PARD3B: variants seen among roughly 807,000 people sequenced by gnomAD.
PARD3B encodes the protein par-3 family cell polarity regulator beta, also known as partitioning defective 3 homolog B.
PARD3B carries 103 observed loss-of-function variants against 130.2 expected under a neutral mutation model. The ratio of observed to expected loss-of-function variants is 0.79; its 90% confidence interval spans 0.67 to 0.93. The LOEUF is 0.93. Ranked by LOEUF, PARD3B falls within the 40% of genes least tolerant of loss-of-function variation. The pLI, the probability that PARD3B is intolerant of heterozygous loss-of-function variation, is 0.00. For missense variants in PARD3B, 1,609 were observed against 1,499.2 expected (o/e 1.07, Z -1.21); for synonymous variants, 583 against 553.2 (o/e 1.05, Z -0.76).
chr2:205,566,569 T>A (rs750399074), intron 22 of PARD3B, among the ~76,000 whole-genome samples: 2 of 152,098 alleles, frequency 1.3e-5, no homozygotes, highest in South Asian at 2.1e-4. Flanking sequence ...CAGGGAGAGA[T>A]CATGGTTAAG....
At chr2:204,996,866 T>A (rs1341089573) in intron 3 of PARD3B, among the ~76,000 whole-genome samples, 2 of 147,512 alleles carry the variant, frequency 1.4e-5, no homozygotes, top group Non-Finnish European at 3.0e-5. Context: ...GTCACCCCTT[T>A]CTTTGACTCG....
chr2:205,153,946 G>C (rs1318250120), intron 10 of PARD3B, among the ~76,000 whole-genome samples: 1 of 152,136 alleles, frequency 6.6e-6, no homozygotes, highest in East Asian at 1.9e-4. Flanking sequence ...AAAAACCCTA[G>C]AAGAAAACCT....
At chr2:205,136,610 C>A (rs1575912074) in intron 10 of PARD3B, among the ~76,000 whole-genome samples, 1 of 152,156 alleles carries the variant, frequency 6.6e-6, no homozygotes, top group African/African-American at 2.4e-5. Flanking sequence ...TCCTTCCCAG[C>A]AGCTATATAT....
chr2:205,064,611 G>A (rs1278790625), intron 4 of PARD3B, among the ~76,000 whole-genome samples: 1 of 152,140 alleles, frequency 6.6e-6, no homozygotes, highest in Non-Finnish European at 1.5e-5. Context: ...TTCACCATGT[G>A]GAAGACTGCG....
At chr2:204,652,150 C>A (rs762901205) in intron 1 of PARD3B, among the ~76,000 whole-genome samples, 1 of 152,178 alleles carries the variant, frequency 6.6e-6, no homozygotes, top group African/African-American at 2.4e-5. Flanking sequence ...ATGCAAATTT[C>A]TGCAGCTTTG....
chr2:205,163,296 A>G (rs984151768), intron 11 of PARD3B, among the ~76,000 whole-genome samples: 5 of 152,180 alleles, frequency 3.3e-5, no homozygotes, highest in African/African-American at 1.2e-4. Flanking sequence ...AAATAGAGAG[A>G]ATACATTTAA....
At position 205,245,162 on chromosome 2, in the gene PARD3B, G is replaced by A. The variant is rs150598828; in HGVS notation, c.2141-616G>A. 2.0e-3 allele frequency among the ~76,000 whole-genome samples: 307 copies of A among 152,268 alleles called. 1 individual carries two copies. Among genetic ancestry groups the A allele is most frequent in the African/African-American group, 7.2e-3 (299 of 41,546 alleles). On this transcript the variant is annotated intron_variant, in intron 15 of 22. Coordinates refer to ENST00000406610, the MANE Select transcript of PARD3B (RefSeq NM_001302769.2). Reference sequence around the variant, plus strand: ...TGCTTGGGTGTTGGCTTTCCCGCACGGCTGCCTGGAGGCTTTCTTCAGAGA... The same window carrying A: ...TGCTTGGGTGTTGGCTTTCCCGCACAGCTGCCTGGAGGCTTTCTTCAGAGA...
intron 20 of PARD3B, among the ~76,000 whole-genome samples, chr2:205,475,176 T>C (rs996690893): frequency 6.6e-6 from 1 of 152,076 alleles, no homozygotes; most frequent in Non-Finnish European, 1.5e-5. Flanking sequence ...CCTAATAGAA[T>C]AGCGTCCCTT....
intron 21 of PARD3B, among the ~76,000 whole-genome samples, chr2:205,546,204 G>T (rs149684992): frequency 1.4e-4 from 22 of 152,256 alleles, no homozygotes; most frequent in African/African-American, 4.8e-4. Context: ...CGTGCAAGGC[G>T]CACCAAGGTA....
intron 2 of PARD3B, among the ~76,000 whole-genome samples, chr2:204,736,386 A>G (rs538066840): frequency 3.3e-5 from 5 of 152,214 alleles, no homozygotes; most frequent in African/African-American, 1.2e-4. Context: ...AACTGTGTGT[A>G]CATTGCACCT....
chr2:205,376,845 G>A (rs188353080), intron 18 of PARD3B, among the ~76,000 whole-genome samples: 103 of 152,272 alleles, frequency 6.8e-4, no homozygotes, highest in African/African-American at 2.1e-3. Context: ...ATTGATGGGT[G>A]TCCTGAAGGA....
chr2:204,978,965 C>CAAA (rs34432147), intron 3 of PARD3B, among the ~76,000 whole-genome samples: 10 of 74,888 alleles, frequency 1.3e-4, no homozygotes, highest in Non-Finnish European at 2.0e-4. Context: ...ACCCTGGCCT[C>CAAA]AAAAAAAAAA....
intron 2 of PARD3B, among the ~76,000 whole-genome samples, chr2:204,727,047 T>C (rs1164441740): frequency 6.6e-6 from 1 of 152,226 alleles, no homozygotes; most frequent in African/African-American, 2.4e-5. Context: ...CTTTGATTCA[T>C]TGAAACTCTT....
intron 2 of PARD3B, among the ~76,000 whole-genome samples, chr2:204,818,979 G>A (rs1355740764): frequency 6.6e-6 from 1 of 152,166 alleles, no homozygotes; most frequent in Non-Finnish European, 1.5e-5. Flanking sequence ...AGCATATGGG[G>A]AGACTAAGAT....
chr2:205,234,207 C>T (rs541580553), intron 15 of PARD3B, among the ~76,000 whole-genome samples: 7 of 152,284 alleles, frequency 4.6e-5, no homozygotes, highest in African/African-American at 1.7e-4. Flanking sequence ...GTAATCCCAG[C>T]ACTTTGGGAG....
rs886627054 is a variant in PARD3B, at chr2:205,309,249, A to T, written c.2630+7548A>T. On this transcript the variant is annotated intron_variant, in intron 18 of 22. Transcript: ENST00000406610. This position sits in a 1 kb window ranked among gnomAD's most constrained non-coding sequence, Gnocchi z 4.7. ...AAATGGTGAACTTGGTTTACAGGTG[A>T]TTGGATCAACTCTGTTCCTCCTACC... is the stretch of plus-strand genomic sequence containing the variant. 1.3e-5 allele frequency among the ~76,000 whole-genome samples: 2 copies of T among 152,184 alleles called. No individual in the cohort carries two copies. Among genetic ancestry groups the T allele is most frequent in the East Asian group, 3.9e-4 (2 of 5,188 alleles).
At chr2:204,757,839 C>CATA (rs1272953023) in intron 2 of PARD3B, among the ~76,000 whole-genome samples, 2 of 151,942 alleles carry the variant, frequency 1.3e-5, no homozygotes, top group African/African-American at 4.8e-5. Context: ...AAATAAGATA[C>CATA]ATAAAAGACA....
At chr2:204,886,031 C>T (rs1285340211) in intron 2 of PARD3B, among the ~76,000 whole-genome samples, 3 of 152,186 alleles carry the variant, frequency 2.0e-5, no homozygotes, top group Non-Finnish European at 2.9e-5. Context: ...GAATTGCAAA[C>T]TCAGTTTCCC....
At chr2:204,919,124 C>A (rs1311461316) in intron 2 of PARD3B, among the ~76,000 whole-genome samples, 1 of 152,144 alleles carries the variant, frequency 6.6e-6, no homozygotes, top group Non-Finnish European at 1.5e-5. Context: ...TTCTCTGTTT[C>A]TGTAACCATC....
Sources: gnomAD v4.1 joint callset for allele counts (sites outside exome capture counted in the v4.1 genomes callset) on GRCh38, gnomAD v4.1.1 for gene constraint, Gnocchi (gnomAD v3.1) non-coding constraint, MANE v1.5 for transcripts, NCBI Gene and HGNC (gene_info 2026-07-23, HGNC 2026-07-21) for gene names.